LINGO2: variants seen among roughly 807,000 people sequenced by gnomAD.
The protein encoded by LINGO2 is leucine rich repeat and Ig domain containing 2, also known as leucine-rich repeat and immunoglobulin-like domain-containing nogo receptor-interacting protein 2.
Under a neutral mutation model 30.6 loss-of-function variants are expected in LINGO2, and 14 were observed. The ratio of observed to expected loss-of-function variants is 0.46; its 90% CI spans 0.30 to 0.72. LINGO2 has a LOEUF of 0.72. Among genes scored for constraint, LINGO2 ranks in the 30% least tolerant of loss-of-function variants. The pLI, the probability that LINGO2 is intolerant of heterozygous loss-of-function variation, is 0.07. For synonymous variants in LINGO2, 317 were observed against 288.5 expected, an observed-to-expected ratio of 1.10 and a Z score of -1.00; for missense variants, 729 against 751.7, an observed-to-expected ratio of 0.97 and a Z score of 0.35.
the LINGO2 span, among the ~76,000 whole-genome samples, chr9:28,978,368 A>G: frequency 3.9e-5 from 6 of 152,132 alleles, no homozygotes; most frequent in Non-Finnish European, 7.4e-5. Flanking sequence ...TTCATGCAGC[A>G]CAATTTCCTG....
At chr9:28,992,511 G>A in the LINGO2 span, among the ~76,000 whole-genome samples, 7 of 151,968 alleles carry the variant, frequency 4.6e-5, no homozygotes, top group Non-Finnish European at 1.0e-4. Flanking sequence ...GCACCAAGCA[G>A]ACCTAATAGA....
chr9:28,199,301 A>C (rs72726933), intron 4 of LINGO2, among the ~76,000 whole-genome samples: 13,399 of 148,070 alleles, frequency 0.09, 822 homozygotes, highest in Middle Eastern at 0.13. Context: ...TGTACTCATA[A>C]AGTTGAAAGA....
the LINGO2 span, among the ~76,000 whole-genome samples, chr9:28,848,095 G>A: frequency 3.9e-3 from 129 of 32,906 alleles, 7 homozygotes; most frequent in South Asian, 0.044. Context: ...CTATATATAC[G>A]CATAGTGTAT....
chr9:28,052,025 C>G (rs1824700067), intron 4 of LINGO2, among the ~76,000 whole-genome samples: 1 of 152,048 alleles, frequency 6.6e-6, no homozygotes, highest in Non-Finnish European at 1.5e-5. Context: ...GGGGCTGTCT[C>G]TTGCACTATG....
the LINGO2 span, among the ~76,000 whole-genome samples, chr9:28,881,281 G>A: frequency 2.6e-5 from 4 of 151,956 alleles, no homozygotes; most frequent in South Asian, 2.1e-4. Context: ...GTCACACCAC[G>A]CCTGGCTAAT....
At chr9:28,958,598 C>A in the LINGO2 span, among the ~76,000 whole-genome samples, 1 of 152,100 alleles carries the variant, frequency 6.6e-6, no homozygotes, top group African/African-American at 2.4e-5. Context: ...GGCATCTCCC[C>A]TCCTTTACCG....
At chr9:28,304,255 T>TAC (rs1824258507) in intron 3 of LINGO2, among the ~76,000 whole-genome samples, 1 of 150,294 alleles carries the variant, frequency 6.7e-6, no homozygotes, top group African/African-American at 2.4e-5. Flanking sequence ...AATGTATATA[T>TAC]ATATATAAAA....
chr9:27,998,358 C>T (rs1019691568), intron 5 of LINGO2, among the ~76,000 whole-genome samples: 1 of 152,160 alleles, frequency 6.6e-6, no homozygotes, highest in Admixed American at 6.5e-5. Context: ...CTAAACTAGC[C>T]ATGGGAAGAA....
chr9:28,909,341 T>C, the LINGO2 span, among the ~76,000 whole-genome samples: 203 of 152,076 alleles, frequency 1.3e-3, no homozygotes, highest in African/African-American at 4.6e-3. Flanking sequence ...TAGTTGTCAC[T>C]AAAGTTACTA....
chr9:29,010,573 G>A, the LINGO2 span, among the ~76,000 whole-genome samples: 22 of 152,070 alleles, frequency 1.4e-4, no homozygotes, highest in Admixed American at 1.3e-3. Context: ...AATAAAACAG[G>A]TAAAGTTTTG....
chr9:28,987,651 T>G, the LINGO2 span, among the ~76,000 whole-genome samples: 2 of 152,134 alleles, frequency 1.3e-5, no homozygotes, highest in African/African-American at 2.4e-5. Context: ...CTGAGATCCC[T>G]CTTCTTTTGT....
At chr9:28,612,988 A>G (rs1825983381) in intron 1 of LINGO2, among the ~76,000 whole-genome samples, 1 of 152,098 alleles carries the variant, frequency 6.6e-6, no homozygotes, top group Non-Finnish European at 1.5e-5. Context: ...TTCTCATGAT[A>G]GTGAGTGAGT....
At chr9:29,002,695 C>T in the LINGO2 span, among the ~76,000 whole-genome samples, 1 of 151,980 alleles carries the variant, frequency 6.6e-6, no homozygotes, top group Non-Finnish European at 1.5e-5. Flanking sequence ...ATATACCCTG[C>T]GACACCTTGT....
intron 4 of LINGO2, among the ~76,000 whole-genome samples, chr9:28,270,378 A>C (rs1217316353): frequency 1.3e-5 from 2 of 151,954 alleles, no homozygotes; most frequent in Non-Finnish European, 2.9e-5. Flanking sequence ...GGCTGGCAGC[A>C]CTAGCAATCT....
chr9:28,219,743 A>G (rs2133891292), intron 4 of LINGO2, among the ~76,000 whole-genome samples: 1 of 152,280 alleles, frequency 6.6e-6, no homozygotes, highest in Non-Finnish European at 1.5e-5. Context: ...AGTATGTTCT[A>G]TTGAACAGTG....
At chr9:29,137,080 A>T in the LINGO2 span, among the ~76,000 whole-genome samples, 1 of 152,154 alleles carries the variant, frequency 6.6e-6, no homozygotes, top group Non-Finnish European at 1.5e-5. Context: ...AAGATGCAGT[A>T]CTGTAGTACC....
intron 1 of LINGO2, among the ~76,000 whole-genome samples, chr9:28,576,397 A>G (rs2135623738): frequency 6.6e-6 from 1 of 151,528 alleles, no homozygotes; most frequent in Non-Finnish European, 1.5e-5. Flanking sequence ...TTCATAAGCC[A>G]AGGATTGCGT....
chr9:28,047,021 T>C (rs1413065870), intron 4 of LINGO2, among the ~76,000 whole-genome samples: 2 of 152,068 alleles, frequency 1.3e-5, no homozygotes, highest in East Asian at 1.9e-4. Flanking sequence ...AGGCCTCCCC[T>C]AGCAGCCCCT....
the LINGO2 span, among the ~76,000 whole-genome samples, chr9:28,843,378 C>A: frequency 6.6e-6 from 1 of 151,292 alleles, no homozygotes; most frequent in Non-Finnish European, 1.5e-5. Context: ...AAAAATTATT[C>A]AATTTCCTCA....
Sources: allele counts gnomAD v4.1 joint callset (sites outside exome capture counted in the v4.1 genomes callset), GRCh38; gene constraint gnomAD v4.1.1; transcripts MANE v1.5; gene names NCBI Gene and HGNC (gene_info 2026-07-23, HGNC 2026-07-21).